Variants in UBR3 observed in about 807,000 individuals in gnomAD.
The protein encoded by UBR3 is ubiquitin protein ligase E3 component n-recognin 3, also known as E3 ubiquitin-protein ligase UBR3.
UBR3 carries 85 observed loss-of-function variants against 243.2 expected under a neutral mutation model. The ratio of observed to expected loss-of-function variants is 0.35; its 90% confidence interval spans 0.29 to 0.42. UBR3 has a LOEUF of 0.42. Ranked by LOEUF, UBR3 falls within the 10% of genes least tolerant of loss-of-function variation. UBR3 has a pLI of 1.00. For synonymous variants in UBR3, 748 were observed against 799.8 expected (o/e 0.94, Z 1.09); for missense variants, 1,686 against 2,300.8 (o/e 0.73, Z 5.47).
rs2091705233 is a variant in UBR3 at position 170,071,897 on chromosome 2, G to GCAGT, written c.5020-1528_5020-1525dup. Among the ~76,000 whole-genome samples the GCAGT allele has an allele frequency of 5.9e-5, 9 of 152,278 alleles. 1 individual carries two copies. The South Asian group carries it at 1.9e-3, about 32-fold the overall frequency. On this transcript the variant is annotated intron_variant, in intron 35 of 38. Transcript: ENST00000272793. ...TGGAGAAGGCAAATTTGATTTTAAA[G>GCAGT]CAGTCATTAAAAAGTCAGGAAACAA...
At chr2:169,925,870 T>C in intron 14 of UBR3, 123 bp downstream of exon 14, 1 of 909,214 alleles carries the variant, frequency 1.1e-6, no homozygotes, top group South Asian at 2.7e-5. Context: ...AGAATAATTT[T>C]TTACTTACAT....
At chr2:169,958,067 G>A (rs1161826687) in intron 23 of UBR3, among the ~76,000 whole-genome samples, 1 of 146,042 alleles carries the variant, frequency 6.8e-6, no homozygotes, top group Admixed American at 7.0e-5. Flanking sequence ...ACTGTTATTT[G>A]TGCCTGGGAT....
chr2:170,056,038 C>G (rs2091327913), intron 33 of UBR3, among the ~76,000 whole-genome samples: 1 of 60,636 alleles, frequency 1.6e-5, no homozygotes, highest in African/African-American at 7.2e-5. Context: ...GGCAGACTCT[C>G]TGTCTGTCAC....
chr2:170,063,905 C>T (rs2091501584), intron 35 of UBR3, among the ~76,000 whole-genome samples: 1 of 152,138 alleles, frequency 6.6e-6, no homozygotes, highest in Non-Finnish European at 1.5e-5. Flanking sequence ...ATTGTTGGAG[C>T]CATAGGATAC....
At chr2:170,048,156 T>C (rs2091132666) in intron 32 of UBR3, among the ~76,000 whole-genome samples, 2 of 152,190 alleles carry the variant, frequency 1.3e-5, no homozygotes, top group African/African-American at 2.4e-5. Context: ...CGATATTCTT[T>C]AGGATCATTG....
chr2:170,069,442 T>C (rs1247770303), intron 35 of UBR3, among the ~76,000 whole-genome samples: 2 of 152,106 alleles, frequency 1.3e-5, no homozygotes, highest in East Asian at 1.9e-4. Flanking sequence ...TAGTTATCTG[T>C]TTTCTGATAA....
At chr2:169,844,069 C>T (rs6433151) in intron 1 of UBR3, among the ~76,000 whole-genome samples, 36,838 of 148,762 alleles carry the variant, frequency 0.25, 4,718 homozygotes, top group East Asian at 0.43. Context: ...TGCAATGGCG[C>T]GACCTCGGCT....
chr2:170,074,980 G>GGGGAGCCAAGTTTC (rs1406232957), intron 36 of UBR3, among the ~76,000 whole-genome samples: 1 of 152,120 alleles, frequency 6.6e-6, no homozygotes, highest in Non-Finnish European at 1.5e-5. Context: ...ACGTATTAAA[G>GGGGAGCCAAGTTTC]GGGAGCCAAG....
In UBR3 at chr2:169,970,895, G is replaced by A. The variant is rs1175725970; in HGVS notation, c.3634+12369G>A. On this transcript the variant is annotated intron_variant, in intron 24 of 38. Coordinates refer to ENST00000272793, the MANE Select transcript of UBR3 (RefSeq NM_172070.4). ...TCCAGTTCTAGATCCCTGAGGAATC[G>A]CCACACTGACTTCCACAGTGGTTGA... Among the ~76,000 whole-genome samples, 617 of 147,252 alleles carry A rather than the reference G, an allele frequency of 4.2e-3. 3 individuals carry two copies. The highest frequency in any genetic ancestry group is 0.015 in the African/African-American group (588 of 39,812).
At chr2:170,028,689 G>T (rs77875908) in intron 30 of UBR3, among the ~76,000 whole-genome samples, 15 of 146,162 alleles carry the variant, frequency 1.0e-4, no homozygotes, top group Admixed American at 1.4e-4. Context: ...AATACTTAGG[G>T]TTTTTTTTTT....
rs1000418723 is a variant in UBR3 at position 170,049,205 on chromosome 2, G to A, written c.4661-6255G>A. Among the ~76,000 whole-genome samples the A allele has an allele frequency of 3.3e-5, 5 of 152,128 alleles. No individual in the cohort carries two copies. In the South Asian group the frequency reaches 1.0e-3, roughly 31 times the overall value. ...CACTGTCAATTAACACATAATTTAT[G>A]TTATATGTATTACGTACTTTATTCT... On this transcript the variant is annotated intron_variant, in intron 32 of 38. Coordinates refer to ENST00000272793, the MANE Select transcript of UBR3 (RefSeq NM_172070.4).
chr2:169,827,808 G>A lies in UBR3; in HGVS notation c.301G>A (p.Gly101Ser). 6.7e-7 allele frequency: 1 copy of A among 1,496,582 alleles called. No individual in the cohort carries two copies. Among genetic ancestry groups the A allele is most frequent in the Non-Finnish European group, 8.9e-7 (1 of 1,127,150 alleles). The allele number at this position is 1,496,582 out of a possible 1,614,324, so 92.7% of individuals were successfully genotyped here. The change falls in exon 1 of 39, where the codon GGC (glycine) becomes AGC (serine). Residue 101 changes from glycine to serine, a missense_variant. Around this residue, in one of 8 missense-constraint regions of UBR3, gnomAD observed 145 missense variants for 243.8 expected, o/e 0.59. Coordinates refer to ENST00000272793, the MANE Select transcript of UBR3 (RefSeq NM_172070.4). Reference sequence around the variant, plus strand: ...GTGGTGTAAGTGCCTTCTGGCGGGCGGCGGCGGCTACGACGAGTTCTGCGC... The same window carrying A: ...GTGGTGTAAGTGCCTTCTGGCGGGCAGCGGCGGCTACGACGAGTTCTGCGC... ...LEWCKCLLAG[G>S]GGYDEFCAAV...
intron 14 of UBR3, 50 bp downstream of exon 14, chr2:169,925,797 C>T (rs1432040007): frequency 6.9e-7 from 1 of 1,439,776 alleles, no homozygotes; most frequent in East Asian, 2.7e-5. Context: ...CTCATTTGTA[C>T]CCAAGGGATT....
At chr2:170,018,131 A>C (rs776018008) in intron 30 of UBR3, among the ~76,000 whole-genome samples, 1 of 152,094 alleles carries the variant, frequency 6.6e-6, no homozygotes, top group African/African-American at 2.4e-5. Context: ...AGTCAAAGAC[A>C]CTCTACTGTA....
chr2:170,061,504 G>C (rs2091456200), intron 35 of UBR3, 61 bp downstream of exon 35: 1 of 1,584,360 alleles, frequency 6.3e-7, no homozygotes, highest in Non-Finnish European at 8.6e-7. Context: ...GTCTCTCTCT[G>C]TTGCCCAGAC....
rs1053992921 is a variant in UBR3, at chr2:169,964,154, C to T, written c.3634+5628C>T. ...TAAAAAAAATGTTTAAAAAGTATAA[C>T]AAATTTTAAATTGTTTACAGATTAT... On this transcript the variant is annotated intron_variant, in intron 24 of 38. Coordinates refer to ENST00000272793, the MANE Select transcript of UBR3 (RefSeq NM_172070.4). Among the ~76,000 whole-genome samples the T allele has an allele frequency of 4.6e-5, 7 of 151,906 alleles. 1 individual carries two copies. Among genetic ancestry groups the T allele is most frequent in the Admixed American group, 4.6e-4 (7 of 15,234 alleles).
intron 6 of UBR3, among the ~76,000 whole-genome samples, chr2:169,893,213 C>G (rs528231333): frequency 1.4e-4 from 22 of 152,274 alleles, no homozygotes; most frequent in African/African-American, 4.3e-4. Context: ...ATATTGAATT[C>G]TACATAACTG....
At chr2:170,067,074 C>G (rs2091588748) in intron 35 of UBR3, among the ~76,000 whole-genome samples, 3 of 151,890 alleles carry the variant, frequency 2.0e-5, no homozygotes, top group African/African-American at 7.2e-5. Context: ...AAGTAACTTG[C>G]TCAAGATTCA....
intron 24 of UBR3, among the ~76,000 whole-genome samples, chr2:169,968,562 A>G (rs1310442521): frequency 6.6e-6 from 1 of 152,104 alleles, no homozygotes; most frequent in East Asian, 1.9e-4. Context: ...GTTCCATTCT[A>G]TACACACACA....
Sources: allele counts gnomAD v4.1 joint callset (sites outside exome capture counted in the v4.1 genomes callset), GRCh38; gene constraint gnomAD v4.1.1; regional missense constraint gnomAD v4.1.1; transcripts MANE v1.5; gene names NCBI Gene and HGNC (gene_info 2026-07-23, HGNC 2026-07-21).